MDFIC2: variants seen among roughly 807,000 people sequenced by gnomAD.
MDFIC2 encodes the protein MyoD family inhibitor domain containing 2, also known as myoD family inhibitor domain-containing protein 2.
intron 2 of MDFIC2, among the ~76,000 whole-genome samples, chr3:70,227,849 G>A (rs771581917): frequency 7.2e-5 from 11 of 152,114 alleles, no homozygotes; most frequent in South Asian, 4.1e-4. Context: ...AGTAGTAAGC[G>A]GCAGAGCTGG....
chr3:70,195,154 G>T lies in MDFIC2; in HGVS notation c.*1772C>A, dbSNP rs1179860806. Among the ~76,000 whole-genome samples, 3 of 152,090 alleles carry T rather than the reference G, an allele frequency of 2.0e-5. No individual in the cohort carries two copies. The East Asian group carries it at 5.8e-4, about 29-fold the overall frequency. ...GTTCATGGGGCCTCTCTTTTCCCCT[G>T]TGAAATATAAAAAGGTTGCATAAGA... On this transcript the variant is annotated 3_prime_UTR_variant, in exon 4 of 4. Transcript: ENST00000567252.
Position 70,307,916 on chromosome 3 carries a change from C to A in MDFIC2, c.88+3970G>T, listed in dbSNP as rs1702417634. Among the ~76,000 whole-genome samples the A allele has an allele frequency of 2.0e-5, 3 of 152,278 alleles. No individual in the cohort carries two copies. In the South Asian group the frequency reaches 6.2e-4, roughly 32 times the overall value. On this transcript the variant is annotated intron_variant, in intron 2 of 3. Coordinates refer to ENST00000567252, the MANE Select transcript of MDFIC2 (RefSeq NM_001364677.1). ...CCCTAGCACTGAAATAGGCATCTTC[C>A]AGCCTCTGATGCCTTTGCTCCCTGC...
chr3:70,305,782 A>T (rs1001230050), intron 2 of MDFIC2, among the ~76,000 whole-genome samples: 3 of 152,220 alleles, frequency 2.0e-5, no homozygotes, highest in African/African-American at 7.2e-5. Context: ...TATGAATGTC[A>T]ATAAATGTGG....
intron 2 of MDFIC2, among the ~76,000 whole-genome samples, chr3:70,282,530 C>G (rs762176773): frequency 2.0e-5 from 3 of 152,162 alleles, no homozygotes; most frequent in Non-Finnish European, 2.9e-5. Flanking sequence ...CAGCCTGGTT[C>G]ATTCTATTTT....
chr3:70,272,796 A>G (rs1344223517), intron 2 of MDFIC2, among the ~76,000 whole-genome samples: 1 of 152,198 alleles, frequency 6.6e-6, no homozygotes, highest in Non-Finnish European at 1.5e-5. Flanking sequence ...AGCATAAATG[A>G]ATATTGCTTG....
At chr3:70,199,719 T>G (rs1019105938) in intron 3 of MDFIC2, among the ~76,000 whole-genome samples, 1 of 152,180 alleles carries the variant, frequency 6.6e-6, no homozygotes, top group Non-Finnish European at 1.5e-5. Flanking sequence ...GAGCGTTGGA[T>G]TTCCTCTTGT....
intron 2 of MDFIC2, among the ~76,000 whole-genome samples, chr3:70,303,260 G>A (rs1165982975): frequency 1.3e-5 from 2 of 152,092 alleles, no homozygotes; most frequent in Non-Finnish European, 2.9e-5. Flanking sequence ...AATTCCCTCT[G>A]AAGAAGCATC....
chr3:70,311,300 T>C (rs1702451530), intron 2 of MDFIC2, among the ~76,000 whole-genome samples: 1 of 152,216 alleles, frequency 6.6e-6, no homozygotes, highest in African/African-American at 2.4e-5. Context: ...CCGTGCCTTC[T>C]AGTAAATAAT....
At chr3:70,231,485 G>A (rs190958268) in intron 2 of MDFIC2, among the ~76,000 whole-genome samples, 17 of 152,264 alleles carry the variant, frequency 1.1e-4, no homozygotes, top group Admixed American at 2.6e-4. Context: ...CACACGTGCC[G>A]CGTACTCTTC....
intron 2 of MDFIC2, among the ~76,000 whole-genome samples, chr3:70,223,133 A>G (rs1053617338): frequency 6.6e-6 from 1 of 152,254 alleles, no homozygotes; most frequent in Non-Finnish European, 1.5e-5. Flanking sequence ...GATGATTGTC[A>G]TTGTTCTATA....
chr3:70,309,129 G>T (rs1416126026), intron 2 of MDFIC2, among the ~76,000 whole-genome samples: 1 of 152,122 alleles, frequency 6.6e-6, no homozygotes, highest in Non-Finnish European at 1.5e-5. Context: ...GATAACTGTT[G>T]TGGAAGTCAC....
At chr3:70,279,507 TCTC>T (rs755077974) in intron 2 of MDFIC2, among the ~76,000 whole-genome samples, 2 of 152,140 alleles carry the variant, frequency 1.3e-5, no homozygotes, top group Non-Finnish European at 2.9e-5. Flanking sequence ...CTTTCTCAGT[TCTC>T]CTCCACTACT....
chr3:70,223,162 T>G (rs143028012), intron 2 of MDFIC2, among the ~76,000 whole-genome samples: 8 of 152,322 alleles, frequency 5.3e-5, no homozygotes, highest in African/African-American at 1.9e-4. Context: ...TACGTCTATT[T>G]GTAACAGGGT....
intron 2 of MDFIC2, among the ~76,000 whole-genome samples, chr3:70,290,473 C>T (rs567805326): frequency 6.6e-6 from 1 of 152,342 alleles, no homozygotes; most frequent in South Asian, 2.1e-4. Flanking sequence ...AGCTGTCAGA[C>T]AGGGACATTT....
At chr3:70,280,326 C>T (rs756435055) in intron 2 of MDFIC2, among the ~76,000 whole-genome samples, 14 of 152,270 alleles carry the variant, frequency 9.2e-5, no homozygotes, top group Middle Eastern at 3.4e-3. Context: ...GTCACATCTA[C>T]GAAGACCCTT....
At chr3:70,224,749 C>T (rs944394614) in intron 2 of MDFIC2, among the ~76,000 whole-genome samples, 7 of 151,964 alleles carry the variant, frequency 4.6e-5, no homozygotes, top group Non-Finnish European at 7.4e-5. Flanking sequence ...CCATTGCGCT[C>T]GGCAAAATGC....
intron 3 of MDFIC2, among the ~76,000 whole-genome samples, chr3:70,199,811 C>A (rs1701220349): frequency 6.6e-6 from 1 of 152,106 alleles, no homozygotes; most frequent in African/African-American, 2.4e-5. Context: ...AAGTCCTATC[C>A]CAGGATTCGC....
intron 2 of MDFIC2, among the ~76,000 whole-genome samples, chr3:70,244,375 G>A (rs1701687067): frequency 6.6e-6 from 1 of 152,096 alleles, no homozygotes; most frequent in South Asian, 2.1e-4. Flanking sequence ...TATATTTAAT[G>A]GCAGTCTTAT....
intron 2 of MDFIC2, among the ~76,000 whole-genome samples, chr3:70,297,445 C>G (rs1210756536): frequency 6.6e-6 from 1 of 151,906 alleles, no homozygotes; most frequent in Non-Finnish European, 1.5e-5. Flanking sequence ...TTAACCCTCA[C>G]GTTGTTTATT....
Sources: gnomAD v4.1 joint callset for allele counts (sites outside exome capture counted in the v4.1 genomes callset) on GRCh38, gnomAD v4.1.1 for gene constraint, MANE v1.5 for transcripts, NCBI Gene and HGNC (gene_info 2026-07-23, HGNC 2026-07-21) for gene names.